The following ABCA13 variants were observed in gnomAD, a reference collection of about 807,000 sequenced individuals.
ABCA13 encodes ATP binding cassette subfamily A member 13.
Under a neutral mutation model 478.7 loss-of-function variants are expected in ABCA13, and 476 were observed. That is an observed-to-expected ratio of 0.99 (90% CI 0.92 to 1.07). The LOEUF (loss-of-function observed/expected upper bound fraction) is 1.07, where lower values mean the gene tolerates loss of function less well. Among genes scored for constraint, ABCA13 ranks in the 50% least tolerant of loss-of-function variants. The pLI, the probability that ABCA13 is intolerant of heterozygous loss-of-function variation, is 0.00. For synonymous variants in ABCA13, 2,252 were observed against 2,158.9 expected (o/e 1.04, Z -1.20); for missense variants, 6,060 against 5,910.6 (o/e 1.03, Z -0.83).
In ABCA13 at chr7:48,453,694, C is replaced by T. The variant is rs187294203; in HGVS notation, c.12566-1343C>T. Among the ~76,000 whole-genome samples the T allele has an allele frequency of 1.1e-3, 162 of 152,294 alleles. 1 individual carries two copies. Among genetic ancestry groups the T allele is most frequent in the Non-Finnish European group, 1.7e-3 (117 of 68,024 alleles). On this transcript the variant is annotated intron_variant, in intron 42 of 61. Transcript: ENST00000435803. ...ATCTCAAGGATTCTACCTGAACGTC[C>T]GGGCCGCTTGGCCTGTTTCTCACTT...
At chr7:48,263,637 T>G (rs1794487520) in intron 15 of ABCA13, among the ~76,000 whole-genome samples, 1 of 151,162 alleles carries the variant, frequency 6.6e-6, no homozygotes, top group Admixed American at 6.6e-5. Flanking sequence ...TACCCTTTTC[T>G]TCCTCACCGA....
rs535092970 is a variant in ABCA13 at position 48,506,151 on chromosome 7, C to G, written c.13292-185C>G. On this transcript the variant is annotated intron_variant, in intron 48 of 61. Coordinates refer to ENST00000435803, the MANE Select transcript of ABCA13 (RefSeq NM_152701.5). ...TGACAACAACAGCAATGACAGAAAT[C>G]CCAGCACATATTTGCTGAATTTCAC... Among the ~76,000 whole-genome samples, 3 of 152,316 alleles carry G rather than the reference C, an allele frequency of 2.0e-5. 1 individual carries two copies. The South Asian group carries it at 6.2e-4, about 32-fold the overall frequency.
intron 44 of ABCA13, among the ~76,000 whole-genome samples, chr7:48,470,644 A>C (rs562713099): frequency 6.6e-6 from 1 of 152,220 alleles, no homozygotes; most frequent in Admixed American, 6.5e-5. Context: ...GTACTTTGCT[A>C]ACCTGGTTAA....
At chr7:48,538,465 A>G (rs917912845) in intron 55 of ABCA13, among the ~76,000 whole-genome samples, 1 of 152,140 alleles carries the variant, frequency 6.6e-6, no homozygotes, top group African/African-American at 2.4e-5. Context: ...AGTTTAATTT[A>G]CATATGAAAA....
chr7:48,182,168 G>A (rs1483655994), intron 1 of ABCA13, among the ~76,000 whole-genome samples: 1 of 151,898 alleles, frequency 6.6e-6, no homozygotes, highest in Non-Finnish European at 1.5e-5. Context: ...TAATAATTGC[G>A]GATTCAAAAA....
chr7:48,350,512 CTT>C (rs548824041), intron 29 of ABCA13, 129 bp from the exon 30 acceptor site: 2 of 1,174,508 alleles, frequency 1.7e-6, no homozygotes, highest in Non-Finnish European at 2.3e-6. Flanking sequence ...AAATTTGACT[CTT>C]TTGAGCAATT....
intron 16 of ABCA13, among the ~76,000 whole-genome samples, chr7:48,269,830 C>G (rs1039055931): frequency 4.6e-5 from 7 of 152,226 alleles, no homozygotes; most frequent in African/African-American, 1.7e-4. Context: ...GAGAACCATT[C>G]TGCTATATCT....
intron 55 of ABCA13, among the ~76,000 whole-genome samples, chr7:48,539,309 C>A (rs1186456419): frequency 6.7e-6 from 1 of 149,088 alleles, no homozygotes; most frequent in Non-Finnish European, 1.5e-5. Context: ...AATAGCTGGT[C>A]TTTAGTCTTT....
chr7:48,580,410 C>T, intron 56 of ABCA13, 36 bp downstream of exon 56: 4 of 1,592,494 alleles, frequency 2.5e-6, no homozygotes, highest in Non-Finnish European at 2.6e-6. Context: ...TAAAGGGACC[C>T]ATTGAGGAAT....
intron 15 of ABCA13, among the ~76,000 whole-genome samples, chr7:48,268,603 GT>G (rs1463721675): frequency 1.3e-5 from 2 of 152,164 alleles, no homozygotes; most frequent in Admixed American, 1.3e-4. Context: ...ACTCTGTCCT[GT>G]GGTTTCTAGC....
chr7:48,483,281 C>A, intron 47 of ABCA13, 118 bp downstream of exon 47: 2 of 838,914 alleles, frequency 2.4e-6, no homozygotes, highest in Non-Finnish European at 3.6e-6. Context: ...TCATTTGTTA[C>A]TAAGCATCAA....
chr7:48,360,871 T>C (rs1810713671), intron 31 of ABCA13, among the ~76,000 whole-genome samples: 1 of 151,634 alleles, frequency 6.6e-6, no homozygotes, highest in Non-Finnish European at 1.5e-5. Flanking sequence ...GAGCAGGGAT[T>C]GTTATGACCG....
chr7:48,411,047 CTTTT>C lies in ABCA13; in HGVS notation c.12228+372_12228+375del, dbSNP rs753295685. ...TCTTTCTTTCTTTCTTTCTTTCTTTCTTTTTCTTTCTTTCTTTCTTTCTTTTTCT... is the reference window on the plus strand; with the variant it reads ...TCTTTCTTTCTTTCTTTCTTTCTTTCTCTTTCTTTCTTTCTTTCTTTTTCT... On this transcript the variant is annotated intron_variant, in intron 40 of 61. Transcript: ENST00000435803. Among the ~76,000 whole-genome samples, 32 of 59,394 alleles carry C rather than the reference CTTTT, an allele frequency of 5.4e-4. 1 individual carries two copies. The highest frequency in any genetic ancestry group is 7.1e-3 in the Middle Eastern group (1 of 140). 39.0% of individuals were successfully genotyped at this position (59,394 alleles called of 152,430 possible).
chr7:48,487,467 G>T (rs1829441574), intron 47 of ABCA13, among the ~76,000 whole-genome samples: 1 of 152,028 alleles, frequency 6.6e-6, no homozygotes. Context: ...CTGTACTGTA[G>T]TGTGGTGTCA....
At chr7:48,572,658 C>G (rs1787783318) in intron 55 of ABCA13, among the ~76,000 whole-genome samples, 2 of 152,048 alleles carry the variant, frequency 1.3e-5, no homozygotes, top group African/African-American at 4.8e-5. Context: ...GTAATAGTTA[C>G]TAAAATTTTG....
chr7:48,516,136 A>T (rs1832088421), intron 51 of ABCA13, among the ~76,000 whole-genome samples: 1 of 152,200 alleles, frequency 6.6e-6, no homozygotes, highest in Non-Finnish European at 1.5e-5. Context: ...GGGCCAATAA[A>T]ATTGCATCTA....
intron 59 of ABCA13, among the ~76,000 whole-genome samples, chr7:48,625,189 T>G (rs1351684595): frequency 6.6e-6 from 1 of 152,230 alleles, no homozygotes; most frequent in Non-Finnish European, 1.5e-5. Flanking sequence ...TCACCTTATG[T>G]GACACCATAT....
At chr7:48,439,809 C>A (rs1349611601) in intron 42 of ABCA13, among the ~76,000 whole-genome samples, 1 of 152,052 alleles carries the variant, frequency 6.6e-6, no homozygotes, top group East Asian at 1.9e-4. Flanking sequence ...GATTAGCGTT[C>A]TTAATGAGAT....
intron 41 of ABCA13, among the ~76,000 whole-genome samples, chr7:48,422,055 CAAAAAAAA>C (rs4022355): frequency 4.1e-3 from 330 of 80,568 alleles, no homozygotes; most frequent in African/African-American, 0.013. Context: ...GTCTTTCTTA[CAAAAAAAA>C]AAAAAAAAAA....
Sources: allele counts gnomAD v4.1 joint callset (sites outside exome capture counted in the v4.1 genomes callset), GRCh38; gene constraint gnomAD v4.1.1; transcripts MANE v1.5; gene names NCBI Gene and HGNC (gene_info 2026-07-23, HGNC 2026-07-21).